The following PDE8A variants were observed in gnomAD, a reference collection of about 807,000 sequenced individuals.
The protein encoded by PDE8A is high affinity cAMP-specific and IBMX-insensitive 3',5'-cyclic phosphodiesterase 8A.
Under a neutral mutation model 105.0 loss-of-function variants are expected in PDE8A, and 59 were observed. The observed-to-expected ratio is 0.56, with a 90% confidence interval of 0.46 to 0.70. The LOEUF is 0.70. Ranked by LOEUF, PDE8A falls within the 30% of genes least tolerant of loss-of-function variation. The pLI, the probability that PDE8A is intolerant of heterozygous loss-of-function variation, is 0.00. For missense variants in PDE8A, 1,014 were observed against 1,045.9 expected (o/e 0.97, Z 0.42); for synonymous variants, 355 against 371.9 (o/e 0.95, Z 0.52).
At chr15:85,066,285 G>C (rs967494556) in intron 2 of PDE8A, among the ~76,000 whole-genome samples, 2 of 152,128 alleles carry the variant, frequency 1.3e-5, no homozygotes, top group Non-Finnish European at 2.9e-5. Context: ...ATATGGCCAG[G>C]TGCAGTGGCT....
At chr15:85,007,128 A>G (rs2080160711) in intron 1 of PDE8A, among the ~76,000 whole-genome samples, 1 of 152,118 alleles carries the variant, frequency 6.6e-6, no homozygotes, top group Admixed American at 6.6e-5. Context: ...CTGATGAGAG[A>G]GCAAAAGTGT....
intron 1 of PDE8A, among the ~76,000 whole-genome samples, chr15:85,017,310 T>G (rs955588302): frequency 4.6e-5 from 7 of 152,146 alleles, no homozygotes; most frequent in Non-Finnish European, 1.0e-4. Context: ...TTGATATGTT[T>G]CTTATATAGC....
chr15:85,137,768 G>T, intron 21 of PDE8A, 29 bp from the exon 22 acceptor site: 2 of 1,322,910 alleles, frequency 1.5e-6, no homozygotes, highest in African/African-American at 2.9e-5. Context: ...GGCTGTGAAA[G>T]CATATCACAT....
At chr15:85,107,396 T>A (rs2081962363) in intron 11 of PDE8A, among the ~76,000 whole-genome samples, 1 of 152,198 alleles carries the variant, frequency 6.6e-6, no homozygotes, top group Non-Finnish European at 1.5e-5. Context: ...CTGGTTGGAT[T>A]TTTGTTTTAC....
chr15:85,126,445 G>A (rs1044232478), intron 20 of PDE8A, 71 bp downstream of exon 20: 2 of 1,135,940 alleles, frequency 1.8e-6, no homozygotes, highest in Non-Finnish European at 2.3e-6. Context: ...ACGAGATAAT[G>A]GACTTAACAC....
chr15:85,120,753 C>A, intron 17 of PDE8A, 44 bp from the exon 18 acceptor site: 1 of 1,258,448 alleles, frequency 7.9e-7, no homozygotes, highest in South Asian at 1.4e-5. Flanking sequence ...GCTTCCTTGC[C>A]TTCAGTGTCA....
At chr15:85,108,214 A>G (rs1167216783) in intron 11 of PDE8A, among the ~76,000 whole-genome samples, 3 of 152,184 alleles carry the variant, frequency 2.0e-5, no homozygotes, top group East Asian at 1.9e-4. Flanking sequence ...CGATGGTGCA[A>G]AGGAAGTGCT....
chr15:85,074,873 G>A (rs1326150977), intron 3 of PDE8A, among the ~76,000 whole-genome samples: 1 of 152,176 alleles, frequency 6.6e-6, no homozygotes, highest in Non-Finnish European at 1.5e-5. Context: ...TGCCATCCTA[G>A]ACACATTCTC....
chr15:84,983,882 C>T (rs1341957904), intron 1 of PDE8A, among the ~76,000 whole-genome samples: 1 of 152,162 alleles, frequency 6.6e-6, no homozygotes, highest in African/African-American at 2.4e-5. Flanking sequence ...TTGTAAGCCT[C>T]CCCAGTGCAG....
rs141352219 is a variant in PDE8A at position 85,069,551 on chromosome 15, C to T, written c.434+2347C>T. On this transcript the variant is annotated intron_variant, in intron 3 of 21. Coordinates refer to ENST00000394553, the MANE Select transcript of PDE8A (RefSeq NM_002605.3). ...CACACCCTTACTGCTATGAGTGGCT[C>T]CTAACAGATCCTGGTTTCATATTCC... Among the ~76,000 whole-genome samples the T allele has an allele frequency of 5.8e-3, 886 of 152,262 alleles. 2 individuals carry two copies. The highest frequency in any genetic ancestry group is 0.014 in the Middle Eastern group (4 of 294).
intron 1 of PDE8A, among the ~76,000 whole-genome samples, chr15:84,989,767 A>G (rs2079857305): frequency 6.6e-6 from 1 of 152,250 alleles, no homozygotes; most frequent in Admixed American, 6.5e-5. Flanking sequence ...ACCTTTCTCA[A>G]AGGCAAACTT....
intron 1 of PDE8A, among the ~76,000 whole-genome samples, chr15:85,036,671 C>G (rs77503506): frequency 5.9e-5 from 9 of 152,148 alleles, no homozygotes. Context: ...GGGATCTATA[C>G]TTTGGTAGAA....
intron 4 of PDE8A, 30 bp from the exon 5 acceptor site, chr15:85,076,703 G>T (rs111380590): frequency 2.1e-6 from 3 of 1,409,124 alleles, no homozygotes; most frequent in African/African-American, 2.8e-5. Context: ...TAAAAACTAT[G>T]TCTATGTTCT....
intron 7 of PDE8A, chr15:85,090,771 T>C (rs2081629388): frequency 4.4e-6 from 2 of 456,208 alleles, no homozygotes; most frequent in Non-Finnish European, 4.3e-6. Context: ...CCTCTGCCCC[T>C]GTTGAAGTGG....
At chr15:85,106,628 T>C (rs1357262767) in intron 11 of PDE8A, among the ~76,000 whole-genome samples, 1 of 152,168 alleles carries the variant, frequency 6.6e-6, no homozygotes, top group East Asian at 1.9e-4. Flanking sequence ...TTTGAAGGAA[T>C]GAACACTTGG....
intron 1 of PDE8A, among the ~76,000 whole-genome samples, chr15:85,033,546 G>T (rs2080651396): frequency 1.3e-5 from 2 of 152,038 alleles, no homozygotes; most frequent in African/African-American, 4.8e-5. Flanking sequence ...TATGGCCCTG[G>T]CTCCTCTCCC....
At chr15:85,003,501 AGAG>A (rs1200181111) in intron 1 of PDE8A, among the ~76,000 whole-genome samples, 2 of 152,190 alleles carry the variant, frequency 1.3e-5, no homozygotes, top group African/African-American at 2.4e-5. Context: ...AGCGCCCCTC[AGAG>A]GAGGTGAGGG....
intron 8 of PDE8A, among the ~76,000 whole-genome samples, chr15:85,094,501 G>A (rs549013527): frequency 9.7e-4 from 148 of 152,216 alleles, no homozygotes; most frequent in African/African-American, 3.4e-3. Flanking sequence ...TGGTTTTAGT[G>A]TCAGCCTCTT....
chr15:85,053,765 A>C (rs573113808), intron 1 of PDE8A, among the ~76,000 whole-genome samples: 1 of 152,388 alleles, frequency 6.6e-6, no homozygotes, highest in South Asian at 2.1e-4. Context: ...ATCTGCAAAC[A>C]GGGACAATTT....
Sources: gnomAD v4.1 joint callset for allele counts (sites outside exome capture counted in the v4.1 genomes callset) on GRCh38, gnomAD v4.1.1 for gene constraint, MANE v1.5 for transcripts, NCBI Gene and HGNC (gene_info 2026-07-23, HGNC 2026-07-21) for gene names.